Variants in KDM5B observed in about 807,000 individuals in gnomAD.
The protein encoded by KDM5B is lysine demethylase 5B, also known as lysine-specific demethylase 5B.
A neutral mutation model predicts 193.4 loss-of-function variants in KDM5B; 144 were observed. That is an observed-to-expected ratio of 0.74 (90% confidence interval 0.65 to 0.86). The LOEUF (loss-of-function observed/expected upper bound fraction) is 0.86, where lower values mean the gene tolerates loss of function less well. Among genes scored for constraint, KDM5B ranks in the 40% least tolerant of loss-of-function variants. The probability of loss-of-function intolerance (pLI) is 0.00; values close to 1 mark genes in which losing one functional copy is unlikely to be tolerated. For synonymous variants in KDM5B, 668 were observed against 682.6 expected, an observed-to-expected ratio of 0.98 and a Z score of 0.33; for missense variants, 1,833 against 1,886.9, an observed-to-expected ratio of 0.97 and a Z score of 0.53.
chr1:202,774,761 A>G (rs1656868417), intron 2 of KDM5B, 26 bp from the exon 3 acceptor site: 1 of 1,606,996 alleles, frequency 6.2e-7, no homozygotes, highest in Admixed American at 1.7e-5. Flanking sequence ...TTGAGTTTTC[A>G]TCTCATTTAG....
intron 22 of KDM5B, among the ~76,000 whole-genome samples, chr1:202,734,297 T>TAAAAAAAAA (rs35019533): frequency 9.7e-6 from 1 of 102,586 alleles, no homozygotes; most frequent in Non-Finnish European, 1.8e-5. Context: ...TTATCTCTAT[T>TAAAAAAAAA]AAAAAAAAAA....
At chr1:202,767,104 T>G (rs78905389) in intron 4 of KDM5B, 44 bp from the exon 5 acceptor site, 1 of 1,600,514 alleles carries the variant, frequency 6.2e-7, no homozygotes. Context: ...CTTTTTTTTT[T>G]CACATCATAA....
intron 1 of KDM5B, among the ~76,000 whole-genome samples, chr1:202,800,079 C>T (rs1470590749): frequency 1.3e-5 from 2 of 152,180 alleles, no homozygotes; most frequent in Non-Finnish European, 2.9e-5. Context: ...GAGTCTTGCT[C>T]TGTCACCAGG....
At chr1:202,762,972 T>C (rs1160310722) in intron 6 of KDM5B, among the ~76,000 whole-genome samples, 164 bp from the exon 7 acceptor site, 3 of 152,246 alleles carry the variant, frequency 2.0e-5, no homozygotes, top group Non-Finnish European at 4.4e-5. Flanking sequence ...CAAATGCTGA[T>C]TACTTTATGA....
chr1:202,767,183 C>T, intron 4 of KDM5B, 123 bp from the exon 5 acceptor site: 15 of 1,551,984 alleles, frequency 9.7e-6, no homozygotes, highest in Non-Finnish European at 1.2e-5. Context: ...GGCTGCACCT[C>T]TTAAAATACT....
At chr1:202,731,687 A>C in intron 24 of KDM5B, 141 bp downstream of exon 24, 1 of 649,538 alleles carries the variant, frequency 1.5e-6, no homozygotes, top group Middle Eastern at 3.7e-4. Flanking sequence ...TCCCTTCCCT[A>C]TTTTGCAAAT....
At chr1:202,733,309 C>A (rs1453313945) in intron 23 of KDM5B, 92 bp downstream of exon 23, 1 of 1,447,228 alleles carries the variant, frequency 6.9e-7, no homozygotes, top group Non-Finnish European at 9.4e-7. Flanking sequence ...GTGATCACAC[C>A]AAGGGAATAG....
At chr1:202,740,069 CA>C (rs1655250145) in intron 20 of KDM5B, among the ~76,000 whole-genome samples, 1 of 151,920 alleles carries the variant, frequency 6.6e-6, no homozygotes, top group Non-Finnish European at 1.5e-5. Flanking sequence ...AGGCGCCCCT[CA>C]CCTCCCGGAC....
chr1:202,773,248 T>A lies in KDM5B; in HGVS notation c.446A>T (p.Asp149Val), dbSNP rs1656796425. 1.2e-6 allele frequency: 2 copies of A among 1,614,048 alleles called. No homozygotes were observed. Among genetic ancestry groups the A allele is most frequent in the Admixed American group, 1.7e-5 (1 of 59,994 alleles). Residue 149 changes from aspartate (D) to valine (V), a missense_variant, in exon 4 of 27, where the codon GAT (aspartate) becomes GTT (valine). By Grantham distance (152) the Asp-to-Val change is radical. Around this residue, in one of 3 missense-constraint regions of KDM5B, gnomAD observed 355 missense variants for 374.9 expected, o/e 0.95. Transcript: ENST00000367265. ...GGTAGCAATTTTGGTCCATTTTCTATCCTTGCAAACAACTGCAAATCCACC... is the reference window on the plus strand; with the variant it reads ...GGTAGCAATTTTGGTCCATTTTCTAACCTTGCAAACAACTGCAAATCCACC... ...EEGGFAVVCK[D>V]RKWTKIATKM...
At chr1:202,741,004 T>C (rs1655315175) in intron 19 of KDM5B, among the ~76,000 whole-genome samples, 192 bp from the exon 20 acceptor site, 1 of 152,182 alleles carries the variant, frequency 6.6e-6, no homozygotes, top group African/African-American at 2.4e-5. Flanking sequence ...TCTCACACAT[T>C]TCTCTTTAAG....
chr1:202,748,804 G>T, intron 14 of KDM5B, 141 bp downstream of exon 14: 1 of 590,076 alleles, frequency 1.7e-6, no homozygotes, highest in Non-Finnish European at 2.9e-6. Context: ...TTAAAACCAC[G>T]AGATACTACT....
intron 1 of KDM5B, among the ~76,000 whole-genome samples, chr1:202,804,419 C>G (rs745814179): frequency 5.3e-5 from 8 of 151,988 alleles, no homozygotes; most frequent in Non-Finnish European, 1.2e-4. Context: ...AGGCCTAAGT[C>G]GATCAAACCC....
chr1:202,745,918 A>T lies in KDM5B; in HGVS notation c.2263T>A (p.Tyr755Asn). Reference protein sequence around the residue: ...MNALKLRAESYNEWALNVNEA... With the variant: ...MNALKLRAESNNEWALNVNEA... ...TTCACATTCAAGGCCCATTCGTTGT[A>T]AGATTCTGCTCGAAGCTTCAATGCA... The change falls in exon 16 of 27, where the codon TAC becomes AAC. Residue 755 changes from tyrosine to asparagine, a missense_variant. Tyr to Asn is a moderately radical substitution (Grantham distance 143, BLOSUM62 -2). Transcript: ENST00000367265. 6.2e-7 allele frequency: 1 copy of T among 1,614,058 alleles called. No individual in the cohort carries two copies. Among genetic ancestry groups the T allele is most frequent in the Non-Finnish European group, 8.5e-7 (1 of 1,179,890 alleles).
chr1:202,733,800 A>G lies in KDM5B; in HGVS notation c.3510T>C (p.Pro1170=). Residue 1170 remains proline (P), a synonymous_variant, in exon 23 of 27, where the codon CCT becomes CCC. Transcript: ENST00000367265. ...AGATTTTTATATCCACATCTTGGAG[A>G]GGCGACAGCAATTTCCCTTCATTGG... The part of the protein sequence containing the change: ...RLANEGKLLS[P]LQDVDIKICL... 1.9e-6 allele frequency: 3 copies of G among 1,614,114 alleles called. No individual in the cohort carries two copies. Among genetic ancestry groups the G allele is most frequent in the East Asian group, 4.5e-5 (2 of 44,872 alleles).
chr1:202,734,630 G>A (rs1036561171), intron 22 of KDM5B, among the ~76,000 whole-genome samples: 16 of 152,204 alleles, frequency 1.1e-4, no homozygotes, highest in South Asian at 2.1e-4. Flanking sequence ...CTTTCAGTTA[G>A]TCTTTATAAA....
At chr1:202,759,453 A>T (rs1039369537) in intron 8 of KDM5B, among the ~76,000 whole-genome samples, 2 of 151,558 alleles carry the variant, frequency 1.3e-5, no homozygotes, top group Non-Finnish European at 2.9e-5. Flanking sequence ...AGACGGGAGG[A>T]TCACTTGAGC....
Position 202,741,583 on chromosome 1 carries a change from A to C in KDM5B, c.2729T>G (p.Met910Arg). Residue 910 changes from methionine to arginine, a missense_variant, in exon 19 of 27, where the codon ATG becomes AGG. Around this residue, in one of 3 missense-constraint regions of KDM5B, gnomAD observed 1,379 missense variants for 1,349.6 expected, o/e 1.02. Transcript: ENST00000367265. ...ACGGGCTTGTTCCAAACGGATACGC[A>C]TCTCAGCAAGCTGTGGAAGTTCAAC... ...FDVELPQLAE[M>R]RIRLEQARWL... The C allele has an allele frequency of 6.2e-7, 1 of 1,614,246 alleles. No individual in the cohort carries two copies. The highest frequency in any genetic ancestry group is 8.5e-7 in the Non-Finnish European group (1 of 1,180,036).
intron 5 of KDM5B, among the ~76,000 whole-genome samples, chr1:202,765,357 C>T (rs1482002459): frequency 6.6e-6 from 1 of 152,118 alleles, no homozygotes; most frequent in Non-Finnish European, 1.5e-5. Flanking sequence ...GCAAATAAAA[C>T]CATTTTTTGT....
At chr1:202,731,283 G>A (rs2102210741) in intron 24 of KDM5B, among the ~76,000 whole-genome samples, 1 of 152,310 alleles carries the variant, frequency 6.6e-6, no homozygotes, top group South Asian at 2.1e-4. Context: ...CTGATTACTA[G>A]TATTAATTAT....
Sources: gnomAD v4.1 joint callset for allele counts (sites outside exome capture counted in the v4.1 genomes callset) on GRCh38, gnomAD v4.1.1 for gene constraint, gnomAD v4.1.1 regional missense constraint, MANE v1.5 for transcripts, NCBI Gene and HGNC (gene_info 2026-07-23, HGNC 2026-07-21) for gene names.